Variants in TTC38 observed in about 807,000 individuals in gnomAD.
TTC38 encodes the protein tetratricopeptide repeat domain 38, also known as tetratricopeptide repeat protein 38.
A neutral mutation model predicts 64.2 loss-of-function variants in TTC38; 64 were observed. The observed-to-expected ratio is 1.00, with a 90% confidence interval of 0.81 to 1.23. The LOEUF is 1.23. Ranked by LOEUF, TTC38 falls within the 50% of genes most tolerant of loss-of-function variation. The pLI is 0.00. For missense variants in TTC38, 573 were observed against 615.5 expected (o/e 0.93, Z 0.73); for synonymous variants, 254 against 249.3 (o/e 1.02, Z -0.18).
rs1056551520 is a variant in TTC38, at chr22:46,276,815, T to C, written c.539+1394T>C. Reference sequence around the variant, plus strand: ...ATATTAAAAATTATATATTAAAATATATATATTAAATATATATATATATAT... The same window carrying C: ...ATATTAAAAATTATATATTAAAATACATATATTAAATATATATATATATAT... On this transcript the variant is annotated intron_variant, in intron 5 of 13. Transcript: ENST00000381031. The surrounding 1 kb of genome is among the most constrained non-coding windows in gnomAD (Gnocchi z 4.7). Among the ~76,000 whole-genome samples, 14 of 135,082 alleles carry C rather than the reference T, an allele frequency of 1.0e-4. No individual in the cohort carries two copies. The highest frequency in any genetic ancestry group is 3.8e-4 in the African/African-American group (12 of 31,418). The allele number at this position is 135,082 out of a possible 152,430, so 88.6% of individuals were successfully genotyped here. A position where few individuals can be genotyped will look rare whatever the true frequency, so the allele number is the denominator to read the frequency against.
chr22:46,292,735 G>A lies in TTC38; in HGVS notation c.1317-56G>A, dbSNP rs946881959. 1.3e-6 allele frequency: 2 copies of A among 1,492,552 alleles called. No individual in the cohort carries two copies. The highest frequency in any genetic ancestry group is 1.9e-6 in the Non-Finnish European group (2 of 1,071,820). The allele number at this position is 1,492,552 out of a possible 1,614,324, so 92.5% of individuals were successfully genotyped here. ...CTGCCTTGGGACCAAGGGACCACCAGGCCCCACATCCCTCTAGAAGGTTCT... is the reference window on the plus strand; with the variant it reads ...CTGCCTTGGGACCAAGGGACCACCAAGCCCCACATCCCTCTAGAAGGTTCT... On this transcript the variant is annotated intron_variant, in intron 13 of 13. Coordinates refer to ENST00000381031, the MANE Select transcript of TTC38 (RefSeq NM_017931.4). The surrounding 1 kb of genome is among the most constrained non-coding windows in gnomAD (Gnocchi z 6.5).
At chr22:46,277,040 T>TACACACAC (rs1220498836) in intron 5 of TTC38, among the ~76,000 whole-genome samples, 1 of 75,508 alleles carries the variant, frequency 1.3e-5, no homozygotes, top group African/African-American at 5.5e-5. Flanking sequence ...AATACATATA[T>TACACACAC]ATACATACAC....
At chr22:46,286,382 C>T (rs905331802) in intron 9 of TTC38, among the ~76,000 whole-genome samples, 1 of 151,916 alleles carries the variant, frequency 6.6e-6, no homozygotes, top group Non-Finnish European at 1.5e-5. Flanking sequence ...AAGGGTGGGC[C>T]GGGCACGGTG....
chr22:46,282,692 T>G lies in TTC38; in HGVS notation c.735+974T>G, dbSNP rs1040218332. ...CTTCTCAGGGACACTGAGGTTTGTT[T>G]GAGGTTTCTGAGTGCTGGGCACTCT... is the stretch of plus-strand genomic sequence containing the variant. On this transcript the variant is annotated intron_variant, in intron 7 of 13. Transcript: ENST00000381031. This position sits in a 1 kb window ranked among gnomAD's most constrained non-coding sequence, Gnocchi z 4.4. Among the ~76,000 whole-genome samples the G allele has an allele frequency of 2.0e-5, 3 of 152,090 alleles. No homozygotes were observed. Among genetic ancestry groups the G allele is most frequent in the Admixed American group, 2.0e-4 (3 of 15,274 alleles).
At position 46,273,960 on chromosome 22, in the gene TTC38, G is replaced by T. The variant is rs764144528; in HGVS notation, c.256G>T (p.Asp86Tyr). The T allele has an allele frequency of 2.5e-6, 4 of 1,614,234 alleles. No individual in the cohort carries two copies. Among genetic ancestry groups the T allele is most frequent in the Admixed American group, 3.3e-5 (2 of 60,022 alleles). ...TGGCACTGGAAGCTCCGTGAAGCTG[G>T]ACAAAGAGCTGGACCTGGCTGTGAA... is the stretch of plus-strand genomic sequence containing the variant. Reference protein sequence around the residue: ...LIGTGSSVKLDKELDLAVKTM... With the variant: ...LIGTGSSVKLYKELDLAVKTM... The change falls in exon 4 of 14, where the codon GAC (aspartate) becomes TAC (tyrosine). Residue 86 changes from aspartate (D) to tyrosine (Y), a missense_variant. Around this residue, in one of 3 missense-constraint regions of TTC38, gnomAD observed 134 missense variants for 126.5 expected, o/e 1.06. Coordinates refer to ENST00000381031, the MANE Select transcript of TTC38 (RefSeq NM_017931.4). This position sits in a 1 kb window ranked among gnomAD's most constrained non-coding sequence, Gnocchi z 5.1.
chr22:46,281,740 C>A lies in TTC38; in HGVS notation c.735+22C>A. ...GAAGGTATGATGCTTGTCAATGGGTCACCTCCCTGGGAAATTCAGTGCATC... is the reference window on the plus strand; with the variant it reads ...GAAGGTATGATGCTTGTCAATGGGTAACCTCCCTGGGAAATTCAGTGCATC... On this transcript the variant is annotated intron_variant, in intron 7 of 13. Transcript: ENST00000381031. This position sits in a 1 kb window ranked among gnomAD's most constrained non-coding sequence, Gnocchi z 5.2. The A allele has an allele frequency of 6.2e-7, 1 of 1,613,018 alleles. No homozygotes were observed. Among genetic ancestry groups the A allele is most frequent in the South Asian group, 1.1e-5 (1 of 91,036 alleles).
intron 2 of TTC38, chr22:46,269,237 C>T (rs1266583357): frequency 1.2e-5 from 4 of 329,084 alleles, no homozygotes; most frequent in South Asian, 6.9e-5. Flanking sequence ...TGCTGAGGGT[C>T]TGATGCAGGG....
intron 10 of TTC38, among the ~76,000 whole-genome samples, chr22:46,287,419 C>T (rs1043897576): frequency 4.6e-5 from 7 of 152,260 alleles, no homozygotes; most frequent in Admixed American, 1.3e-4. Context: ...GCACCCAGGG[C>T]GGCACCTGCT....
In TTC38 at chr22:46,292,736, G is replaced by T. The variant is rs117782765; in HGVS notation, c.1317-55G>T. On this transcript the variant is annotated intron_variant, in intron 13 of 13. Coordinates refer to ENST00000381031, the MANE Select transcript of TTC38 (RefSeq NM_017931.4). The surrounding 1 kb of genome is among the most constrained non-coding windows in gnomAD (Gnocchi z 6.5). ...TGCCTTGGGACCAAGGGACCACCAG[G>T]CCCCACATCCCTCTAGAAGGTTCTG... 2.0e-3 allele frequency: 2,989 copies of T among 1,494,466 alleles called. 66 individuals are homozygous for T. The East Asian group carries it at 0.043, about 22-fold the overall frequency. 92.6% of individuals were successfully genotyped at this position (1,494,466 alleles called of 1,614,324 possible).
chr22:46,290,507 AT>A (rs1569027777), intron 13 of TTC38, among the ~76,000 whole-genome samples: 1 of 115,638 alleles, frequency 8.6e-6, no homozygotes, highest in African/African-American at 3.5e-5. Flanking sequence ...TTAGGGTGGC[AT>A]GGCTGGAGGG....
chr22:46,284,862 C>A (rs2077559867), intron 8 of TTC38, among the ~76,000 whole-genome samples: 1 of 123,646 alleles, frequency 8.1e-6, no homozygotes, highest in Non-Finnish European at 1.7e-5. Flanking sequence ...GAGTGAGACC[C>A]CATCTCAAAA....
chr22:46,288,700 A>AG (rs1408811533), intron 11 of TTC38, 112 bp downstream of exon 11: 3 of 1,123,376 alleles, frequency 2.7e-6, no homozygotes, highest in East Asian at 2.4e-5. Context: ...TGAGTGCAGC[A>AG]GGGGGGATGC....
Position 46,270,402 on chromosome 22 carries a change from C to T in TTC38, c.111+1811C>T, listed in dbSNP as rs781611894. ...AACCCTGTCTTAAAAAAAAAATACA[C>T]GTACTAATTCTGTGTAGATGTAGGT... On this transcript the variant is annotated intron_variant, in intron 2 of 13. Transcript: ENST00000381031. The surrounding 1 kb of genome is among the most constrained non-coding windows in gnomAD (Gnocchi z 4.7). Among the ~76,000 whole-genome samples, 4 of 152,008 alleles carry T rather than the reference C, an allele frequency of 2.6e-5. No individual in the cohort carries two copies. Among genetic ancestry groups the T allele is most frequent in the Non-Finnish European group, 5.9e-5 (4 of 68,022 alleles).
intron 6 of TTC38, chr22:46,280,340 A>G (rs540050980): frequency 2.3e-4 from 87 of 385,548 alleles, no homozygotes; most frequent in South Asian, 1.1e-3. Context: ...AGGGCTGTAG[A>G]GGGGCAGGTG....
In TTC38 at chr22:46,268,574, G is replaced by C. The variant is rs767771171; in HGVS notation, c.94G>C (p.Asp32His). Residue 32 changes from aspartate to histidine, a missense_variant, in exon 2 of 14, where the codon GAT becomes CAT. Physicochemically the swap from Asp to His is moderately conservative, Grantham distance 81 (BLOSUM62 -1). Transcript: ENST00000381031. ...TTSNEACKLF[D>H]ATLTQYVKWT... ...AAGCAACGAAGCCTGCAAGCTGTTC[G>C]ATGCCACGCTGACCCAGGTATGCCT... The C allele has an allele frequency of 3.1e-6, 5 of 1,613,848 alleles. No individual in the cohort carries two copies. In the African/African-American group the frequency reaches 6.7e-5, roughly 22 times the overall value.
At chr22:46,269,567 A>C (rs969224599) in intron 2 of TTC38, among the ~76,000 whole-genome samples, 2 of 152,184 alleles carry the variant, frequency 1.3e-5, no homozygotes, top group Non-Finnish European at 2.9e-5. Flanking sequence ...AGGCCCCTGC[A>C]TACTGACTTC....
In TTC38 at chr22:46,275,167, G is replaced by C; in HGVS notation, c.366-81G>C. 1 of 1,352,698 alleles carries C rather than the reference G, an allele frequency of 7.4e-7. No homozygotes were observed. 83.8% of individuals were successfully genotyped at this position (1,352,698 alleles called of 1,614,324 possible). A position where few individuals can be genotyped will look rare whatever the true frequency, so the allele number is the denominator to read the frequency against. On this transcript the variant is annotated intron_variant, in intron 4 of 13. Coordinates refer to ENST00000381031, the MANE Select transcript of TTC38 (RefSeq NM_017931.4). This position sits in a 1 kb window ranked among gnomAD's most constrained non-coding sequence, Gnocchi z 4.5. ...CACATCCATGTAGACCATGACACTG[G>C]TGAGAAACAATGCCTCTTACACTCC... is the stretch of plus-strand genomic sequence containing the variant.
At position 46,268,036 on chromosome 22, in the gene TTC38, C is replaced by T. The variant is rs974091141; in HGVS notation, c.-4C>T. The T allele has an allele frequency of 1.3e-6, 2 of 1,540,746 alleles. No individual in the cohort carries two copies. Among genetic ancestry groups the T allele is most frequent in the Admixed American group, 1.9e-5 (1 of 51,952 alleles). On this transcript the variant is annotated 5_prime_UTR_variant, in exon 1 of 14. Coordinates refer to ENST00000381031, the MANE Select transcript of TTC38 (RefSeq NM_017931.4). ...GCTCGCGGTGGACTCCGACCCGGCGCAACATGGCCGCAGCCTCGCCTCTGC... is the reference window on the plus strand; with the variant it reads ...GCTCGCGGTGGACTCCGACCCGGCGTAACATGGCCGCAGCCTCGCCTCTGC...
rs1387043092 is a variant in TTC38 at position 46,273,684 on chromosome 22, T to C, written c.194-214T>C. On this transcript the variant is annotated intron_variant, in intron 3 of 13. Coordinates refer to ENST00000381031, the MANE Select transcript of TTC38 (RefSeq NM_017931.4). The surrounding 1 kb of genome is among the most constrained non-coding windows in gnomAD (Gnocchi z 5.1). ...CAGCAGAATGCCCTCACTAGAAAAATGTTCAAGGGTGCCTTTAGGCTTGCA... is the reference window on the plus strand; with the variant it reads ...CAGCAGAATGCCCTCACTAGAAAAACGTTCAAGGGTGCCTTTAGGCTTGCA... Among the ~76,000 whole-genome samples, 3 of 152,018 alleles carry C rather than the reference T, an allele frequency of 2.0e-5. No homozygotes were observed. The highest frequency in any genetic ancestry group is 1.9e-4 in the East Asian group (1 of 5,176).
Sources: gnomAD v4.1 joint callset for allele counts (sites outside exome capture counted in the v4.1 genomes callset) on GRCh38, gnomAD v4.1.1 for gene constraint, gnomAD v4.1.1 regional missense constraint, Gnocchi (gnomAD v3.1) non-coding constraint, MANE v1.5 for transcripts, NCBI Gene and HGNC (gene_info 2026-07-23, HGNC 2026-07-21) for gene names.